DLC1: variants seen among roughly 807,000 people sequenced by gnomAD.
The protein encoded by DLC1 is DLC1 Rho GTPase activating protein.
DLC1 carries 54 observed loss-of-function variants against 140.3 expected under a neutral mutation model. The ratio of observed to expected loss-of-function variants is 0.38; its 90% CI spans 0.31 to 0.48. The LOEUF is 0.48. Among genes scored for constraint, DLC1 ranks in the 20% least tolerant of loss-of-function variants. The pLI is 0.96. For missense variants in DLC1, 2,536 were observed against 1,907.0 expected, an observed-to-expected ratio of 1.33 and a Z score of -6.14; for synonymous variants, 986 against 728.1, an observed-to-expected ratio of 1.35 and a Z score of -5.70.
At chr8:13,315,426 T>C (rs1032472023) in intron 4 of DLC1, among the ~76,000 whole-genome samples, 2 of 152,230 alleles carry the variant, frequency 1.3e-5, no homozygotes, top group South Asian at 2.1e-4. Flanking sequence ...TGAGGACAAA[T>C]GCTTGGGCAG....
At chr8:13,383,280 T>C (rs1447439535) in intron 4 of DLC1, among the ~76,000 whole-genome samples, 1 of 152,184 alleles carries the variant, frequency 6.6e-6, no homozygotes, top group Non-Finnish European at 1.5e-5. Context: ...TTACGTGCCT[T>C]CTGTTTCCTC....
chr8:13,279,229 T>C (rs1422335975), intron 5 of DLC1, among the ~76,000 whole-genome samples: 1 of 152,220 alleles, frequency 6.6e-6, no homozygotes, highest in African/African-American at 2.4e-5. Context: ...AGAACCAAGG[T>C]CTGGTTCAAC....
intron 1 of DLC1, among the ~76,000 whole-genome samples, chr8:13,508,664 C>T (rs1378192859): frequency 6.6e-6 from 1 of 152,084 alleles, no homozygotes; most frequent in Non-Finnish European, 1.5e-5. Flanking sequence ...GTGATCTGCC[C>T]ACCTCGGCCT....
chr8:13,530,243 G>C (rs1803051681), intron 1 of DLC1, among the ~76,000 whole-genome samples: 1 of 152,134 alleles, frequency 6.6e-6, no homozygotes, highest in Non-Finnish European at 1.5e-5. Flanking sequence ...TTTTCTCTAA[G>C]TCCTCTATGC....
intron 4 of DLC1, among the ~76,000 whole-genome samples, chr8:13,330,102 C>T (rs1489891574): frequency 6.6e-6 from 1 of 152,072 alleles, no homozygotes; most frequent in East Asian, 1.9e-4. Context: ...GTAGCTGGGA[C>T]TACAGGTGCA....
At chr8:13,281,250 A>G (rs1001106854) in intron 5 of DLC1, among the ~76,000 whole-genome samples, 3 of 152,240 alleles carry the variant, frequency 2.0e-5, no homozygotes, top group Non-Finnish European at 4.4e-5. Context: ...TGGAACCCTA[A>G]GGATCCACTG....
In DLC1 at chr8:13,102,868, A is replaced by T; in HGVS notation, c.1503-15T>A. 1.2e-6 allele frequency: 2 copies of T among 1,612,248 alleles called. No homozygotes were observed. The highest frequency in any genetic ancestry group is 2.7e-5 in the African/African-American group (2 of 74,950). On this transcript the variant is annotated splice_polypyrimidine_tract_variant and intron_variant, in intron 7 of 17. Transcript: ENST00000276297. Reference sequence around the variant, plus strand: ...TATTTAGACGCCTATAGAGCAAAGAAATAACGTTAGCAAAGATAGGCAACC... The same window carrying T: ...TATTTAGACGCCTATAGAGCAAAGATATAACGTTAGCAAAGATAGGCAACC...
At chr8:13,315,292 C>G (rs1259802129) in intron 4 of DLC1, among the ~76,000 whole-genome samples, 7 of 152,164 alleles carry the variant, frequency 4.6e-5, no homozygotes, top group Non-Finnish European at 7.4e-5. Context: ...TAAAAAGAAA[C>G]TGATCAAAAA....
chr8:13,275,688 C>T (rs1043795499), intron 5 of DLC1, among the ~76,000 whole-genome samples: 6 of 152,206 alleles, frequency 3.9e-5, no homozygotes, highest in Non-Finnish European at 8.8e-5. Context: ...ACTGTATTTG[C>T]TTTATTATAT....
chr8:13,098,601 G>A (rs747350894), intron 9 of DLC1, 26 bp from the exon 10 acceptor site: 1 of 1,602,724 alleles, frequency 6.2e-7, no homozygotes, highest in South Asian at 1.1e-5. Context: ...AGAGGAAAAT[G>A]AGTGTGAAGC....
At chr8:13,532,819 C>T (rs1008105382) in intron 1 of DLC1, among the ~76,000 whole-genome samples, 1 of 152,176 alleles carries the variant, frequency 6.6e-6, no homozygotes, top group African/African-American at 2.4e-5. Context: ...ATTTCTCACC[C>T]TGTAGACCCT....
chr8:13,098,296 T>G, intron 10 of DLC1, 103 bp downstream of exon 10: 2 of 1,364,928 alleles, frequency 1.5e-6, no homozygotes, highest in Admixed American at 2.0e-5. Context: ...TGAAATATAT[T>G]AATAAAGGAG....
At chr8:13,463,964 A>G (rs573904752) in intron 2 of DLC1, among the ~76,000 whole-genome samples, 1 of 152,328 alleles carries the variant, frequency 6.6e-6, no homozygotes, top group African/African-American at 2.4e-5. Flanking sequence ...AAACTGAAAT[A>G]AAAAGAAGAG....
intron 2 of DLC1, among the ~76,000 whole-genome samples, chr8:13,468,401 C>A (rs1438965754): frequency 7.5e-6 from 1 of 133,976 alleles, no homozygotes; most frequent in African/African-American, 2.7e-5. Flanking sequence ...GAGGCCCAGG[C>A]TGGAGTCTGG....
At chr8:13,454,637 C>T (rs973648242) in intron 2 of DLC1, among the ~76,000 whole-genome samples, 7 of 152,170 alleles carry the variant, frequency 4.6e-5, no homozygotes, top group South Asian at 2.1e-4. Flanking sequence ...CTTACTGCAA[C>T]GTCGACCTCT....
chr8:13,564,737 C>T (rs1049286169), intron 1 of DLC1, among the ~76,000 whole-genome samples: 7 of 152,154 alleles, frequency 4.6e-5, no homozygotes, highest in Admixed American at 1.3e-4. Flanking sequence ...AGCTGCAAAG[C>T]ATTCTTGATC....
At chr8:13,331,785 T>G (rs527733805) in intron 4 of DLC1, among the ~76,000 whole-genome samples, 2 of 152,318 alleles carry the variant, frequency 1.3e-5, no homozygotes, top group East Asian at 3.9e-4. Context: ...GTTTCTAAAA[T>G]TTCAGAAGCA....
chr8:13,169,087 T>A (rs939127995), intron 5 of DLC1, among the ~76,000 whole-genome samples: 1 of 152,372 alleles, frequency 6.6e-6, no homozygotes, highest in East Asian at 1.9e-4. Context: ...CACCTTGTTA[T>A]GGATCAGAAG....
chr8:13,312,677 T>C (rs988721209), intron 4 of DLC1, among the ~76,000 whole-genome samples: 1 of 152,168 alleles, frequency 6.6e-6, no homozygotes, highest in Non-Finnish European at 1.5e-5. Context: ...ATTTAAGTAC[T>C]GCATATTAAT....
Sources: gnomAD v4.1 joint callset for allele counts (sites outside exome capture counted in the v4.1 genomes callset) on GRCh38, gnomAD v4.1.1 for gene constraint, MANE v1.5 for transcripts, NCBI Gene and HGNC (gene_info 2026-07-23, HGNC 2026-07-21) for gene names.